Variants in SLC24A2 observed in about 807,000 individuals in gnomAD.
SLC24A2 encodes the protein solute carrier family 24 member 2.
SLC24A2 carries 36 observed loss-of-function variants against 62.0 expected under a neutral mutation model. The ratio of observed to expected loss-of-function variants is 0.58; its 90% CI spans 0.44 to 0.77. The LOEUF (loss-of-function observed/expected upper bound fraction) is 0.77. SLC24A2 is among the 30% of genes least tolerant of loss of function. The pLI, the probability that SLC24A2 is intolerant of heterozygous loss-of-function variation, is 0.00. For synonymous variants in SLC24A2, 358 were observed against 294.0 expected (o/e 1.22, Z -2.23); for missense variants, 846 against 817.9 (o/e 1.03, Z -0.42).
upstream of SLC24A2, among the ~76,000 whole-genome samples, chr9:19,791,575 A>G (rs746863750): frequency 1.3e-5 from 2 of 152,224 alleles, no homozygotes; most frequent in Non-Finnish European, 2.9e-5. Flanking sequence ...AATTGCCACA[A>G]CAGTTGAGAA....
the SLC24A2 span, among the ~76,000 whole-genome samples, chr9:20,209,967 G>A: frequency 6.6e-6 from 1 of 152,296 alleles, no homozygotes; most frequent in African/African-American, 2.4e-5. Flanking sequence ...AATACCTCAA[G>A]TGAAAGAAAG....
chr9:19,939,517 G>T, the SLC24A2 span, among the ~76,000 whole-genome samples: 1 of 152,188 alleles, frequency 6.6e-6, no homozygotes, highest in African/African-American at 2.4e-5. Context: ...CGCTTACCAC[G>T]CCTGGAGCTT....
intron 1 of SLC24A2, among the ~76,000 whole-genome samples, chr9:19,788,332 G>A (rs1157005563): frequency 6.6e-6 from 1 of 152,278 alleles, no homozygotes; most frequent in South Asian, 2.1e-4. Flanking sequence ...GCGACCAGCA[G>A]GGACAGATTC....
At chr9:19,902,495 A>T in the SLC24A2 span, among the ~76,000 whole-genome samples, 1 of 152,280 alleles carries the variant, frequency 6.6e-6, no homozygotes, top group Admixed American at 6.5e-5. Flanking sequence ...AACAGCAGAA[A>T]ACTCCTTATC....
At chr9:20,026,397 C>T in the SLC24A2 span, among the ~76,000 whole-genome samples, 1 of 152,160 alleles carries the variant, frequency 6.6e-6, no homozygotes. Flanking sequence ...ACATAGTAAG[C>T]ACTCTATAAA....
the SLC24A2 span, among the ~76,000 whole-genome samples, chr9:20,252,093 G>A: frequency 1.3e-5 from 2 of 152,190 alleles, no homozygotes; most frequent in African/African-American, 4.8e-5. Flanking sequence ...TGGAACAGAT[G>A]TTGGGAGGCC....
At chr9:20,291,457 C>T in the SLC24A2 span, among the ~76,000 whole-genome samples, 1 of 152,148 alleles carries the variant, frequency 6.6e-6, no homozygotes, top group Non-Finnish European at 1.5e-5. Flanking sequence ...TTGTCTGGAG[C>T]TTTAAGTGGA....
At chr9:19,608,388 CAAGCAAGTGACAGTTT>C (rs992277878) in intron 4 of SLC24A2, among the ~76,000 whole-genome samples, 1 of 151,736 alleles carries the variant, frequency 6.6e-6, no homozygotes, top group Admixed American at 6.6e-5. Flanking sequence ...GCAAACCCAG[CAAGCAAGTGACAGTTT>C]AATCTTAGTG....
At chr9:20,169,497 C>T in the SLC24A2 span, among the ~76,000 whole-genome samples, 1 of 152,012 alleles carries the variant, frequency 6.6e-6, no homozygotes, top group Admixed American at 6.6e-5. Flanking sequence ...AGACAGTTCA[C>T]ATCACAGAAC....
At chr9:20,017,561 T>C in the SLC24A2 span, among the ~76,000 whole-genome samples, 1 of 152,014 alleles carries the variant, frequency 6.6e-6, no homozygotes, top group East Asian at 1.9e-4. Flanking sequence ...GATCACAAGA[T>C]AAAGTCCTGC....
chr9:20,160,150 T>A, the SLC24A2 span, among the ~76,000 whole-genome samples: 15 of 151,344 alleles, frequency 9.9e-5, no homozygotes, highest in East Asian at 2.5e-3. Context: ...AATCTTAATA[T>A]CAGATAACAT....
chr9:19,971,224 A>T, the SLC24A2 span, among the ~76,000 whole-genome samples: 5 of 152,214 alleles, frequency 3.3e-5, no homozygotes, highest in Admixed American at 2.6e-4. Context: ...TCCCTGCACA[A>T]GACAAAAAGA....
At chr9:20,188,187 C>A in the SLC24A2 span, among the ~76,000 whole-genome samples, 1 of 152,304 alleles carries the variant, frequency 6.6e-6, no homozygotes, top group East Asian at 1.9e-4. Flanking sequence ...CAAGGTGCAT[C>A]CCCAAATTAG....
At chr9:20,204,845 T>C in the SLC24A2 span, among the ~76,000 whole-genome samples, 3 of 150,202 alleles carry the variant, frequency 2.0e-5, no homozygotes, top group African/African-American at 7.4e-5. Flanking sequence ...CCAGGTTCAC[T>C]CCATTCTCCT....
chr9:20,294,694 G>C, the SLC24A2 span, among the ~76,000 whole-genome samples: 3 of 152,052 alleles, frequency 2.0e-5, no homozygotes, highest in Non-Finnish European at 1.5e-5. Context: ...AAATGAAGTT[G>C]GTTTAATTCA....
chr9:20,235,747 C>T, the SLC24A2 span, among the ~76,000 whole-genome samples: 1 of 152,224 alleles, frequency 6.6e-6, no homozygotes, highest in African/African-American at 2.4e-5. Context: ...CCTGCACCTA[C>T]TGTCTGGCAC....
chr9:20,156,780 TC>T, the SLC24A2 span, among the ~76,000 whole-genome samples: 11 of 151,800 alleles, frequency 7.2e-5, no homozygotes, highest in Admixed American at 5.9e-4. Context: ...CTTGCACTGT[TC>T]TTGTGCACTA....
At chr9:19,824,621 A>C in the SLC24A2 span, among the ~76,000 whole-genome samples, 3 of 152,288 alleles carry the variant, frequency 2.0e-5, no homozygotes, top group African/African-American at 7.2e-5. Context: ...GCGATTCCTC[A>C]AGGATCTGGA....
the SLC24A2 span, among the ~76,000 whole-genome samples, chr9:20,219,037 A>T: frequency 6.6e-6 from 1 of 152,190 alleles, no homozygotes; most frequent in South Asian, 2.1e-4. Flanking sequence ...GAATTAGGGA[A>T]ATATATGATC....
Sources: allele counts gnomAD v4.1 joint callset (sites outside exome capture counted in the v4.1 genomes callset), GRCh38; gene constraint gnomAD v4.1.1; transcripts MANE v1.5; gene names NCBI Gene and HGNC (gene_info 2026-07-23, HGNC 2026-07-21).